The following DHX37 variants were observed in gnomAD, a reference collection of about 807,000 sequenced individuals.
DHX37 encodes probable ATP-dependent RNA helicase DHX37.
In DHX37, 52 loss-of-function variants were observed where a neutral mutation model predicts 134.3. The observed-to-expected ratio is 0.39, with a 90% CI of 0.31 to 0.49. DHX37 has a LOEUF of 0.49. DHX37 is among the 20% of genes least tolerant of loss of function. The probability of loss-of-function intolerance (pLI) is 0.93; values close to 1 mark genes in which losing one functional copy is unlikely to be tolerated. For missense variants in DHX37, 1,344 were observed against 1,580.8 expected, an observed-to-expected ratio of 0.85 and a Z score of 2.54; for synonymous variants, 634 against 670.7, an observed-to-expected ratio of 0.95 and a Z score of 0.85.
At position 124,982,531 on chromosome 12, in the gene DHX37, G is replaced by T. The variant is rs759402201; in HGVS notation, c.369C>A (p.Asn123Lys). 32 of 1,613,620 alleles carry T rather than the reference G, an allele frequency of 2.0e-5. No homozygotes were observed. Among genetic ancestry groups the T allele is most frequent in the Non-Finnish European group, 2.2e-5 (26 of 1,179,802 alleles). The change falls in exon 3 of 27, where the codon AAC becomes AAA. Residue 123 changes from asparagine (N) to lysine (K), a missense_variant. Coordinates refer to ENST00000308736, the MANE Select transcript of DHX37 (RefSeq NM_032656.4). The stretch of plus-strand genomic sequence containing the variant: ...CTCACTCTTTGGTGTGATACATGCG[G>T]TTCCCAGTGCCTAGCTTGGAAGTGG... Reference protein sequence around the residue: ...FYTTSKLGTGNRMYHTKEKAD... With the variant: ...FYTTSKLGTGKRMYHTKEKAD...
chr12:124,987,664 C>T (rs1484196339), intron 1 of DHX37, among the ~76,000 whole-genome samples: 1 of 152,228 alleles, frequency 6.6e-6, no homozygotes, highest in East Asian at 1.9e-4. Flanking sequence ...AAATTACCAT[C>T]TCCAAAACTC....
chr12:124,951,186 C>T (rs1228093737), intron 21 of DHX37, among the ~76,000 whole-genome samples: 4 of 151,488 alleles, frequency 2.6e-5, no homozygotes, highest in Non-Finnish European at 5.9e-5. Context: ...GAGGCTGAGG[C>T]AGGAGAATTG....
intron 4 of DHX37, among the ~76,000 whole-genome samples, chr12:124,979,454 C>A (rs181691866): frequency 2.0e-5 from 3 of 152,086 alleles, no homozygotes; most frequent in Non-Finnish European, 4.4e-5. Flanking sequence ...ACTCATCCTG[C>A]GCTATATTCA....
In DHX37 at chr12:124,980,369, T is replaced by C; in HGVS notation, c.738+121A>G. On this transcript the variant is annotated intron_variant, in intron 4 of 26. Coordinates refer to ENST00000308736, the MANE Select transcript of DHX37 (RefSeq NM_032656.4). The surrounding 1 kb of genome is among the most constrained non-coding windows in gnomAD (Gnocchi z 5.3). Reference sequence around the variant, plus strand: ...AGGGAGGCGCAGTCACTCTCCCCTTTCCCAGATGGGGACATGGAGGCACAG... The same window carrying C: ...AGGGAGGCGCAGTCACTCTCCCCTTCCCCAGATGGGGACATGGAGGCACAG... 8.7e-7 allele frequency: 1 copy of C among 1,149,898 alleles called. No individual in the cohort carries two copies. 71.2% of individuals were successfully genotyped at this position (1,149,898 alleles called of 1,614,324 possible).
Position 124,965,801 on chromosome 12 carries a change from C to G in DHX37, c.1602G>C (p.Gln534His). The change falls in exon 13 of 27, where the codon CAG becomes CAC. Residue 534 changes from glutamine to histidine, a missense_variant. This residue lies in a region of DHX37 where 289 missense variants were observed against 323.8 expected (regional missense o/e 0.89). Coordinates refer to ENST00000308736, the MANE Select transcript of DHX37 (RefSeq NM_032656.4). Reference sequence around the variant, plus strand: ...ACACCGAGTAATGATCCAAGTTGATCTGGGGCAGCACCTACGGCGAACAAG... The same window carrying G: ...ACACCGAGTAATGATCCAAGTTGATGTGGGGCAGCACCTACGGCGAACAAG... ...AKKARAEVLP[Q>H]INLDHYSVLP... 1 of 1,613,728 alleles carries G rather than the reference C, an allele frequency of 6.2e-7. No individual in the cohort carries two copies. Among genetic ancestry groups the G allele is most frequent in the Non-Finnish European group, 8.5e-7 (1 of 1,179,780 alleles).
At chr12:124,966,673 A>G in intron 12 of DHX37, 120 bp downstream of exon 12, 1 of 1,113,668 alleles carries the variant, frequency 9.0e-7, no homozygotes, top group Non-Finnish European at 1.3e-6. Context: ...CAGGAACTGG[A>G]TTTTTAACTT....
In DHX37 at chr12:124,972,418, C is replaced by T. The variant is rs1037530300; in HGVS notation, c.1077+85G>A. 3.1e-5 allele frequency: 45 copies of T among 1,439,466 alleles called. No homozygotes were observed. In the Admixed American group the frequency reaches 5.4e-4, roughly 17 times the overall value. 89.2% of individuals were successfully genotyped at this position (1,439,466 alleles called of 1,614,324 possible). On this transcript the variant is annotated intron_variant, in intron 7 of 26. Transcript: ENST00000308736. ...AGTGCTGGATCAACAGGTGGCTTGC[C>T]GGCTGCTCATATCCCAGGTGACATC...
chr12:124,947,811 A>C lies in DHX37; in HGVS notation c.3465T>G (p.Thr1155=). The change falls in exon 27 of 27, where the codon ACT becomes ACG. Residue 1155 remains threonine (T), a synonymous_variant. Coordinates refer to ENST00000308736, the MANE Select transcript of DHX37 (RefSeq NM_032656.4). ...PDIEKAWPPT[T]VH is the part of the protein sequence containing the mutation. ...GCAGCCAGGTTTCTGGTCAGTGGAC[A>C]GTGGTGGGGGGCCAGGCTTTCTCGA... 1.9e-6 allele frequency: 3 copies of C among 1,583,118 alleles called. No individual in the cohort carries two copies.
rs772099861 is a variant in DHX37, at chr12:124,950,393, AG to A, written c.3121+19del. On this transcript the variant is annotated intron_variant, in intron 23 of 26. Coordinates refer to ENST00000308736, the MANE Select transcript of DHX37 (RefSeq NM_032656.4). The stretch of plus-strand genomic sequence containing the variant: ...CGGCTGCAGGAGGCTCAGGTTGCCC[AG>A]GACACTGCCCCAACTCACAGAACAC... The A allele has an allele frequency of 6.3e-7, 1 of 1,598,086 alleles. No individual in the cohort carries two copies. The highest frequency in any genetic ancestry group is 2.2e-5 in the East Asian group (1 of 44,702).
chr12:124,987,236 A>G (rs11057952), intron 1 of DHX37, among the ~76,000 whole-genome samples: 16,468 of 152,158 alleles, frequency 0.11, 2,490 homozygotes, highest in African/African-American at 0.34. Context: ...CCAGCTACAC[A>G]GGAGGCTGAG....
At chr12:124,962,157 A>C (rs10846785) in intron 15 of DHX37, among the ~76,000 whole-genome samples, 56,492 of 151,578 alleles carry the variant, frequency 0.37, 10,914 homozygotes, top group East Asian at 0.64. Flanking sequence ...GCAGTGAGCT[A>C]TACTTGGGCC....
At chr12:124,975,699 G>A (rs1029439784) in intron 5 of DHX37, among the ~76,000 whole-genome samples, 188 bp from the exon 6 acceptor site, 4 of 152,148 alleles carry the variant, frequency 2.6e-5, no homozygotes, top group African/African-American at 7.2e-5. Flanking sequence ...CATAGAAAAC[G>A]GTTCGACATT....
At chr12:124,974,765 T>C (rs966168748) in intron 6 of DHX37, among the ~76,000 whole-genome samples, 1 of 151,700 alleles carries the variant, frequency 6.6e-6, no homozygotes, top group Non-Finnish European at 1.5e-5. Context: ...TCCTACAGAC[T>C]TACCGCCTGA....
At chr12:124,969,001 C>A (rs771310383) in intron 8 of DHX37, 33 bp from the exon 9 acceptor site, 1 of 1,599,620 alleles carries the variant, frequency 6.3e-7, no homozygotes, top group Non-Finnish European at 8.5e-7. Flanking sequence ...ACCGTGGCCC[C>A]AGGACCGCAG....
At chr12:124,983,863 C>T (rs1278557405) in intron 2 of DHX37, among the ~76,000 whole-genome samples, 10 of 152,062 alleles carry the variant, frequency 6.6e-5, no homozygotes, top group Admixed American at 5.9e-4. Context: ...TGCCCATCCA[C>T]GGCTGCTGGA....
rs765054436 is a variant in DHX37 at position 124,966,886 on chromosome 12, A to T, written c.1505-8T>A. ...TCTGATCGTCGTCCTTTTCTGGGAG[A>T]GGGGCAGGTTGGGGAGAAAGGCGTC... On this transcript the variant is annotated splice_polypyrimidine_tract_variant and splice_region_variant and intron_variant, in intron 11 of 26. Coordinates refer to ENST00000308736, the MANE Select transcript of DHX37 (RefSeq NM_032656.4). The T allele has an allele frequency of 5.1e-5, 83 of 1,613,738 alleles. No homozygotes were observed. Among genetic ancestry groups the T allele is most frequent in the Middle Eastern group, 4.9e-4 (3 of 6,082 alleles).
At chr12:124,958,665 C>T (rs1215196820) in intron 16 of DHX37, among the ~76,000 whole-genome samples, 1 of 151,992 alleles carries the variant, frequency 6.6e-6, no homozygotes, top group Non-Finnish European at 1.5e-5. Flanking sequence ...CTTGCTATAT[C>T]GCCCAGGCTA....
At position 124,989,012 on chromosome 12, in the gene DHX37, AGCTTCC is replaced by A; in HGVS notation, c.5_10del (p.Gly2_Leu4delinsVal). The A allele has an allele frequency of 7.3e-7, 1 of 1,371,386 alleles. No individual in the cohort carries two copies. Among genetic ancestry groups the A allele is most frequent in the Non-Finnish European group, 9.5e-7 (1 of 1,054,862 alleles). 85.0% of individuals were successfully genotyped at this position (1,371,386 alleles called of 1,614,324 possible). A position where few individuals can be genotyped will look rare whatever the true frequency, so the allele number is the denominator to read the frequency against. ...CCCCTTGATGTTGTAGCGCCGGCGC[AGCTTCC>A]CCATGGCGACTAGGCCAGGGTGGGC... On this transcript the variant is annotated inframe_deletion, in exon 1 of 27. Coordinates refer to ENST00000308736, the MANE Select transcript of DHX37 (RefSeq NM_032656.4).
intron 7 of DHX37, among the ~76,000 whole-genome samples, 198 bp downstream of exon 7, chr12:124,972,305 C>A (rs992247410): frequency 6.6e-6 from 1 of 152,244 alleles, no homozygotes; most frequent in African/African-American, 2.4e-5. Flanking sequence ...CAAAATGATT[C>A]TCTAAGGAAT....
Sources: allele counts gnomAD v4.1 joint callset (sites outside exome capture counted in the v4.1 genomes callset), GRCh38; gene constraint gnomAD v4.1.1; regional missense constraint gnomAD v4.1.1; non-coding constraint Gnocchi (gnomAD v3.1); transcripts MANE v1.5; gene names NCBI Gene and HGNC (gene_info 2026-07-23, HGNC 2026-07-21).